The following WDR59 variants were observed in gnomAD, a reference collection of about 807,000 sequenced individuals.
WDR59 encodes GATOR2 complex protein WDR59.
WDR59 carries 100 observed loss-of-function variants against 131.2 expected under a neutral mutation model. The observed-to-expected ratio is 0.76, with a 90% CI of 0.65 to 0.90. WDR59 has a LOEUF of 0.90. Ranked by LOEUF, WDR59 falls within the 40% of genes least tolerant of loss-of-function variation. WDR59 has a pLI of 0.00. For missense variants in WDR59, 1,203 were observed against 1,262.2 expected (o/e 0.95, Z 0.71); for synonymous variants, 601 against 466.2 (o/e 1.29, Z -3.72).
chr16:74,924,086 T>G (rs2145013130), intron 8 of WDR59, 83 bp from the exon 9 acceptor site: 4 of 1,350,470 alleles, frequency 3.0e-6, no homozygotes, highest in Non-Finnish European at 4.2e-6. Context: ...TTGAACTCAT[T>G]GCTTCTGGTC....
chr16:74,918,234 A>T (rs959946117), intron 10 of WDR59, among the ~76,000 whole-genome samples: 1 of 152,218 alleles, frequency 6.6e-6, no homozygotes, highest in Admixed American at 6.5e-5. Flanking sequence ...ATCTGATAAA[A>T]CATCTGGTAT....
intron 1 of WDR59, among the ~76,000 whole-genome samples, chr16:74,979,408 G>A (rs1328286356): frequency 6.6e-6 from 1 of 151,754 alleles, no homozygotes; most frequent in Non-Finnish European, 1.5e-5. Flanking sequence ...GGAGCTTACA[G>A]TGAGCCAAGA....
chr16:74,979,397 C>T (rs1239861662), intron 1 of WDR59, among the ~76,000 whole-genome samples: 5 of 151,454 alleles, frequency 3.3e-5, no homozygotes, highest in Admixed American at 6.6e-5. Context: ...ACCCGGGAGG[C>T]GGAGCTTACA....
intron 18 of WDR59, among the ~76,000 whole-genome samples, chr16:74,901,586 T>G (rs1008576735): frequency 6.6e-5 from 10 of 150,880 alleles, no homozygotes; most frequent in African/African-American, 2.4e-4. Context: ...GAGGTTGCAG[T>G]GAGCCATGTT....
chr16:74,945,715 T>C (rs1252560900), intron 6 of WDR59, among the ~76,000 whole-genome samples: 1 of 151,570 alleles, frequency 6.6e-6, no homozygotes, highest in Non-Finnish European at 1.5e-5. Flanking sequence ...AAATGCTCAG[T>C]CCCCCTTATC....
chr16:74,908,800 G>A (rs918835670), intron 17 of WDR59, 108 bp downstream of exon 17: 3 of 770,444 alleles, frequency 3.9e-6, no homozygotes, highest in East Asian at 2.6e-5. Context: ...GGAGTTTACT[G>A]AAGAACTGAA....
chr16:74,971,896 A>G (rs1295754940), intron 1 of WDR59, among the ~76,000 whole-genome samples: 1 of 79,052 alleles, frequency 1.3e-5, no homozygotes, highest in African/African-American at 5.0e-5. Flanking sequence ...TTGTGTAGAG[A>G]TGGGGGGTCG....
Position 74,908,969 on chromosome 16 carries a change from C to T in WDR59, c.1651G>A (p.Val551Ile). The T allele has an allele frequency of 1.9e-6, 3 of 1,613,588 alleles. No individual in the cohort carries two copies. The highest frequency in any genetic ancestry group is 2.5e-6 in the Non-Finnish European group (3 of 1,179,860). The change falls in exon 17 of 26, where the codon GTA (valine) becomes ATA (isoleucine). Residue 551 changes from valine (V) to isoleucine (I), a missense_variant. By Grantham distance (29) the Val-to-Ile change is conservative. Transcript: ENST00000262144. Reference sequence around the variant, plus strand: ...ATTGTCATGGGCCTTGTGAAATATACCAGGTAACCTAAAGGAGGAGACATC... The same window carrying T: ...ATTGTCATGGGCCTTGTGAAATATATCAGGTAACCTAAAGGAGGAGACATC... ...GARFCGAGYL[V>I]YFTRPMTMHR...
Position 74,904,260 on chromosome 16 carries a change from T to C in WDR59, c.1713-160A>G, listed in dbSNP as rs530556573. 3 of 790,848 alleles carry C rather than the reference T, an allele frequency of 3.8e-6. No individual in the cohort carries two copies. In the East Asian group the frequency reaches 8.2e-5, roughly 22 times the overall value. The allele number at this position is 790,848 out of a possible 1,614,324, so 49.0% of individuals were successfully genotyped here. ...AAACTTTTAACACTGAAAAATGCTT[T>C]ATCTGCACAAGCATAGAATGCTTCT... On this transcript the variant is annotated intron_variant, in intron 17 of 25. Coordinates refer to ENST00000262144, the MANE Select transcript of WDR59 (RefSeq NM_030581.4).
chr16:74,951,452 G>A lies in WDR59; in HGVS notation c.326+6C>T, dbSNP rs752095588. 1 of 1,591,488 alleles carries A rather than the reference G, an allele frequency of 6.3e-7. No homozygotes were observed. Among genetic ancestry groups the A allele is most frequent in the East Asian group, 2.3e-5 (1 of 44,372 alleles). Reference sequence around the variant, plus strand: ...AGCCAAAGAGCTGTGGAGGGCTGGTGCCTACCTGATGACACGAGTGTGGCC... The same window carrying A: ...AGCCAAAGAGCTGTGGAGGGCTGGTACCTACCTGATGACACGAGTGTGGCC... On this transcript the variant is annotated splice_donor_region_variant and intron_variant, in intron 4 of 25. Transcript: ENST00000262144.
chr16:74,916,017 T>C (rs765155758), intron 12 of WDR59, 23 bp from the exon 13 acceptor site: 5 of 1,614,076 alleles, frequency 3.1e-6, no homozygotes, highest in East Asian at 4.5e-5. Context: ...AGAAGTTCAA[T>C]GTTGGAAAGC....
chr16:74,941,436 A>C (rs903370040), intron 7 of WDR59, among the ~76,000 whole-genome samples: 4 of 151,002 alleles, frequency 2.6e-5, no homozygotes, highest in Admixed American at 1.3e-4. Flanking sequence ...GCTCACGCCT[A>C]TAATCCCAGC....
rs140706755 is a variant in WDR59, at chr16:74,920,837, T to C, written c.886+1110A>G. On this transcript the variant is annotated intron_variant, in intron 10 of 25. Transcript: ENST00000262144. ...GAAACAGGCAAACCTAAACTACTTT[T>C]AGGGATTCAAAAATAGGCAGTGAAA... Among the ~76,000 whole-genome samples, 1,147 of 152,274 alleles carry C rather than the reference T, an allele frequency of 7.5e-3. 7 individuals are homozygous for C. The highest frequency in any genetic ancestry group is 0.012 in the Non-Finnish European group (816 of 68,026).
intron 2 of WDR59, among the ~76,000 whole-genome samples, chr16:74,958,613 A>AAAAAAAAAAAAAAAAAAAAAAAC: frequency 7.0e-6 from 1 of 143,578 alleles, no homozygotes; most frequent in Non-Finnish European, 1.5e-5. Context: ...AAAAAAAAAA[A>AAAAAAAAAAAAAAAAAAAAAAAC]AAAAAAACAA....
At chr16:74,908,742 T>C (rs1298030376) in intron 17 of WDR59, 166 bp downstream of exon 17, 1 of 573,436 alleles carries the variant, frequency 1.7e-6, no homozygotes, top group Non-Finnish European at 3.1e-6. Context: ...ATCACAGCTT[T>C]TTTGCAATTT....
chr16:74,952,892 G>T (rs2033083031), intron 3 of WDR59, among the ~76,000 whole-genome samples: 1 of 151,956 alleles, frequency 6.6e-6, no homozygotes, highest in Admixed American at 6.6e-5. Flanking sequence ...TAAGATTCTT[G>T]TGAAAAGGTT....
chr16:74,900,330 G>C (rs887920068), intron 18 of WDR59, among the ~76,000 whole-genome samples: 16 of 152,034 alleles, frequency 1.1e-4, no homozygotes, highest in African/African-American at 3.9e-4. Flanking sequence ...CTGGAGAAAC[G>C]GGGGGAAGGA....
At chr16:74,922,900 T>C (rs779085971) in intron 9 of WDR59, among the ~76,000 whole-genome samples, 11 of 152,362 alleles carry the variant, frequency 7.2e-5, no homozygotes, top group Middle Eastern at 6.8e-3. Flanking sequence ...TGCTCCACAA[T>C]GCTCCATGGT....
At chr16:74,914,717 G>A (rs1321222969) in intron 13 of WDR59, among the ~76,000 whole-genome samples, 5 of 151,396 alleles carry the variant, frequency 3.3e-5, no homozygotes, top group Admixed American at 2.0e-4. Context: ...CCTCAGCCTC[G>A]TGAATAGCCG....
Sources: allele counts gnomAD v4.1 joint callset (sites outside exome capture counted in the v4.1 genomes callset), GRCh38; gene constraint gnomAD v4.1.1; transcripts MANE v1.5; gene names NCBI Gene and HGNC (gene_info 2026-07-23, HGNC 2026-07-21).